Variants in FAM222B observed in about 807,000 individuals in gnomAD.
The protein encoded by FAM222B is protein FAM222B.
A neutral mutation model predicts 38.0 loss-of-function variants in FAM222B; 12 were observed. That is an observed-to-expected ratio of 0.32 (90% CI 0.20 to 0.51). The LOEUF (loss-of-function observed/expected upper bound fraction) is 0.51. Among genes scored for constraint, FAM222B ranks in the 20% least tolerant of loss-of-function variants. The pLI is 0.97. For synonymous variants in FAM222B, 329 were observed against 317.2 expected (o/e 1.04, Z -0.40); for missense variants, 716 against 754.2 (o/e 0.95, Z 0.59).
At chr17:28,797,971 C>A (rs1165361106) in intron 1 of FAM222B, among the ~76,000 whole-genome samples, 3 of 152,066 alleles carry the variant, frequency 2.0e-5, no homozygotes, top group African/African-American at 7.2e-5. Context: ...ATGGGAGGAT[C>A]ACTTGAGCCC....
intron 1 of FAM222B, among the ~76,000 whole-genome samples, chr17:28,770,950 A>G (rs1286330409): frequency 6.6e-6 from 1 of 151,300 alleles, no homozygotes; most frequent in Non-Finnish European, 1.5e-5. Context: ...TTATATATAT[A>G]TATGTGTGTG....
At chr17:28,777,893 ATCC>A (rs2035965181) in intron 1 of FAM222B, among the ~76,000 whole-genome samples, 1 of 151,132 alleles carries the variant, frequency 6.6e-6, no homozygotes, top group Admixed American at 6.6e-5. Context: ...GGTTCAGGTG[ATCC>A]TCCAACTTCA....
At chr17:28,818,484 C>T (rs1233817698) in intron 1 of FAM222B, among the ~76,000 whole-genome samples, 1 of 150,458 alleles carries the variant, frequency 6.6e-6, no homozygotes, top group Non-Finnish European at 1.5e-5. Flanking sequence ...GCCGAGATCG[C>T]GCCACTGCAC....
At chr17:28,781,231 G>A (rs1398164243) in intron 1 of FAM222B, among the ~76,000 whole-genome samples, 3 of 152,106 alleles carry the variant, frequency 2.0e-5, no homozygotes, top group Admixed American at 1.3e-4. Flanking sequence ...CCACGAAGTC[G>A]ACGCTGCAGT....
At chr17:28,809,985 G>GT (rs767791914) in intron 1 of FAM222B, among the ~76,000 whole-genome samples, 35 of 150,714 alleles carry the variant, frequency 2.3e-4, no homozygotes, top group Middle Eastern at 3.4e-3. Context: ...CCTCCAACTG[G>GT]TTTTTTTTTG....
intron 1 of FAM222B, among the ~76,000 whole-genome samples, chr17:28,785,368 T>G (rs1778494927): frequency 6.6e-6 from 1 of 152,238 alleles, no homozygotes; most frequent in South Asian, 2.1e-4. Context: ...AGATGCAATC[T>G]TTATCGTGGG....
chr17:28,825,001 T>C (rs2038385786), intron 1 of FAM222B, among the ~76,000 whole-genome samples: 1 of 152,104 alleles, frequency 6.6e-6, no homozygotes, highest in South Asian at 2.1e-4. Context: ...CTGACCTCGG[T>C]GATCCGCCCG....
At chr17:28,845,517 G>C (rs1282398204), upstream of FAM222B, among the ~76,000 whole-genome samples, 1 of 150,666 alleles carries the variant, frequency 6.6e-6, no homozygotes, top group South Asian at 2.1e-4. Context: ...AGCGGAGCTT[G>C]CAGTGAGCCG....
At chr17:28,838,561 CAG>C (rs2038929224) in intron 1 of FAM222B, among the ~76,000 whole-genome samples, 1 of 151,604 alleles carries the variant, frequency 6.6e-6, no homozygotes, top group Non-Finnish European at 1.5e-5. Context: ...GTCTGGGCGA[CAG>C]AGACTCCATC....
At chr17:28,768,395 T>C (rs890025524) in intron 1 of FAM222B, among the ~76,000 whole-genome samples, 44 of 152,144 alleles carry the variant, frequency 2.9e-4, no homozygotes, top group Admixed American at 2.2e-3. Flanking sequence ...GTGTCTAAGA[T>C]AGCAACTGCA....
chr17:28,832,360 T>C (rs2038697743), intron 1 of FAM222B, among the ~76,000 whole-genome samples: 1 of 152,196 alleles, frequency 6.6e-6, no homozygotes, highest in Non-Finnish European at 1.5e-5. Context: ...TTTAAAGATA[T>C]GTATTATTGT....
rs533812260 is a variant in FAM222B, at chr17:28,828,337, C to G, written c.-41+14345G>C. Among the ~76,000 whole-genome samples, 9 of 151,378 alleles carry G rather than the reference C, an allele frequency of 5.9e-5. No individual in the cohort carries two copies. The South Asian group carries it at 1.3e-3, about 21-fold the overall frequency. On this transcript the variant is annotated intron_variant, in intron 1 of 2. Coordinates refer to ENST00000581407, the MANE Select transcript of FAM222B (RefSeq NM_001077498.3). Reference sequence around the variant, plus strand: ...CAGCAGTTTGGGAGGCTGTGGTGACCAGATCACTTGATCCCAGGAGTTCAC... The same window carrying G: ...CAGCAGTTTGGGAGGCTGTGGTGACGAGATCACTTGATCCCAGGAGTTCAC...
chr17:28,797,137 G>A (rs2036980919), intron 1 of FAM222B, among the ~76,000 whole-genome samples: 1 of 151,550 alleles, frequency 6.6e-6, no homozygotes, highest in South Asian at 2.1e-4. Context: ...CGAGTAGCTG[G>A]GATTACAGAC....
rs375223709 is a variant in FAM222B at position 28,850,874 on chromosome 17, G to A, written c.-41+4076C>T. Among the ~76,000 whole-genome samples, 25 of 151,684 alleles carry A rather than the reference G, an allele frequency of 1.6e-4. 1 individual carries two copies. The East Asian group carries it at 4.3e-3, about 26-fold the overall frequency. ...GGCAGCTCACACCTGTAATCCCAACGCTTTGGGAGGCCAAGGTGGGCAAAT... is the reference window on the plus strand; with the variant it reads ...GGCAGCTCACACCTGTAATCCCAACACTTTGGGAGGCCAAGGTGGGCAAAT... On this transcript the variant is annotated intron_variant, in intron 1 of 2. Coordinates refer to the FAM222B transcript ENST00000577513.
intron 1 of FAM222B, among the ~76,000 whole-genome samples, chr17:28,790,764 G>C (rs2036623405): frequency 6.6e-6 from 1 of 151,504 alleles, no homozygotes; most frequent in Admixed American, 6.6e-5. Flanking sequence ...TTGTTTATAG[G>C]AAATACTAAA....
Position 28,799,176 on chromosome 17 carries a change from TG to T in FAM222B, c.-40-32470del, listed in dbSNP as rs1395968025. 2.0e-5 allele frequency among the ~76,000 whole-genome samples: 3 copies of T among 150,982 alleles called. No individual in the cohort carries two copies. In the East Asian group the frequency reaches 5.9e-4, roughly 30 times the overall value. ...TTTTAGTAGAGACGGGGTTTCACCA[TG>T]TTGACCAGGATAGTGTCGATCTCTT... On this transcript the variant is annotated intron_variant, in intron 1 of 2. Transcript: ENST00000581407.
In FAM222B at chr17:28,794,159, A is replaced by G. The variant is rs905115924; in HGVS notation, c.-40-27452T>C. Among the ~76,000 whole-genome samples, 5 of 152,136 alleles carry G rather than the reference A, an allele frequency of 3.3e-5. No individual in the cohort carries two copies. The East Asian group carries it at 9.6e-4, about 29-fold the overall frequency. On this transcript the variant is annotated intron_variant, in intron 1 of 2. Coordinates refer to ENST00000581407, the MANE Select transcript of FAM222B (RefSeq NM_001077498.3). Reference sequence around the variant, plus strand: ...ACGAAGGCAGGCAACATCCAAAATGAAAACAGCAGCAAGTCACCTGCAAAT... The same window carrying G: ...ACGAAGGCAGGCAACATCCAAAATGGAAACAGCAGCAAGTCACCTGCAAAT...
At chr17:28,802,199 G>T (rs530793335) in intron 1 of FAM222B, among the ~76,000 whole-genome samples, 2 of 151,930 alleles carry the variant, frequency 1.3e-5, no homozygotes, top group Non-Finnish European at 2.9e-5. Context: ...CCAGGTTCAA[G>T]CAATTCTCCT....
intron 1 of FAM222B, among the ~76,000 whole-genome samples, chr17:28,798,896 C>CGT (rs1567852137): frequency 5.4e-5 from 8 of 148,034 alleles, no homozygotes. Flanking sequence ...GGATTACAGG[C>CGT]GTGAGCCACC....
Sources: allele counts gnomAD v4.1 joint callset (sites outside exome capture counted in the v4.1 genomes callset), GRCh38; gene constraint gnomAD v4.1.1; transcripts MANE v1.5; gene names NCBI Gene and HGNC (gene_info 2026-07-23, HGNC 2026-07-21).